The following RECQL5 variants were observed in gnomAD, a reference collection of about 807,000 sequenced individuals.
RECQL5 encodes the protein RecQ like helicase 5, also known as ATP-dependent DNA helicase Q5.
In RECQL5, 88 loss-of-function variants were observed where a neutral mutation model predicts 103.4. That is an observed-to-expected ratio of 0.85 (90% CI 0.72 to 1.02). The LOEUF is 1.02. Among genes scored for constraint, RECQL5 ranks in the 50% least tolerant of loss-of-function variants. The pLI is 0.00. For missense variants in RECQL5, 1,232 were observed against 1,284.3 expected, an observed-to-expected ratio of 0.96 and a Z score of 0.62; for synonymous variants, 552 against 507.9, an observed-to-expected ratio of 1.09 and a Z score of -1.17.
chr17:75,641,054 CTA>C, intron 8 of RECQL5: 1 of 1,343,906 alleles, frequency 7.4e-7, no homozygotes, highest in Non-Finnish European at 9.9e-7. Flanking sequence ...AACTTGAGCC[CTA>C]CCAAGGAAAC....
intron 7 of RECQL5, among the ~76,000 whole-genome samples, chr17:75,655,616 G>A (rs935004459): frequency 2.6e-4 from 40 of 152,042 alleles, no homozygotes; most frequent in African/African-American, 7.2e-4. Context: ...TGCCCACCTC[G>A]TCCTCCCAAA....
At position 75,628,523 on chromosome 17, in the gene RECQL5, G is replaced by A. The variant is rs113219298; in HGVS notation, c.2581-81C>T. ...CCCTCCTCCAGAAGACTGGGTCCCC[G>A]CACCAGCTGCCTCTCTCCAGCCCAG... On this transcript the variant is annotated intron_variant, in intron 17 of 19. Transcript: ENST00000317905. The A allele has an allele frequency of 7.1e-5, 109 of 1,534,724 alleles. No individual in the cohort carries two copies. The African/African-American group carries it at 1.1e-3, about 16-fold the overall frequency.
intron 7 of RECQL5, among the ~76,000 whole-genome samples, chr17:75,655,638 A>T (rs989505983): frequency 1.3e-5 from 2 of 152,144 alleles, no homozygotes; most frequent in African/African-American, 4.8e-5. Flanking sequence ...TGCTGGGATT[A>T]CAGGCGTGAG....
chr17:75,629,983 A>T, intron 14 of RECQL5, 141 bp from the exon 15 acceptor site: 1 of 1,209,408 alleles, frequency 8.3e-7, no homozygotes, highest in Non-Finnish European at 1.1e-6. Flanking sequence ...GGCAAGTTTT[A>T]GGCCTCCCAT....
intron 6 of RECQL5, among the ~76,000 whole-genome samples, chr17:75,658,849 T>C (rs1248173248): frequency 6.6e-6 from 1 of 152,204 alleles, no homozygotes; most frequent in African/African-American, 2.4e-5. Context: ...ACCTCCTATG[T>C]GCCAGTTTAT....
At chr17:75,630,327 T>G (rs1171302392) in intron 13 of RECQL5, 50 bp from the exon 14 acceptor site, 1 of 1,475,960 alleles carries the variant, frequency 6.8e-7, no homozygotes, top group African/African-American at 1.4e-5. Flanking sequence ...CCTGGGCTTC[T>G]CCCTGCTGAG....
At chr17:75,656,664 G>A (rs905071312) in intron 7 of RECQL5, among the ~76,000 whole-genome samples, 1 of 150,792 alleles carries the variant, frequency 6.6e-6, no homozygotes, top group African/African-American at 2.4e-5. Context: ...GGCACAATGT[G>A]TTGTCATTTC....
intron 18 of RECQL5, 99 bp downstream of exon 18, chr17:75,628,119 G>A: frequency 1.9e-6 from 2 of 1,070,052 alleles, no homozygotes; most frequent in Non-Finnish European, 2.8e-6. Context: ...CTGGCCCTAG[G>A]CCCACTGTGT....
At chr17:75,644,643 T>C (rs1407695384) in intron 8 of RECQL5, among the ~76,000 whole-genome samples, 6 of 151,726 alleles carry the variant, frequency 4.0e-5, no homozygotes, top group African/African-American at 9.7e-5. Context: ...AGAATCTCAT[T>C]AGAAAAACTT....
chr17:75,665,264 G>T, intron 2 of RECQL5, 92 bp from the exon 3 acceptor site: 1 of 1,222,328 alleles, frequency 8.2e-7, no homozygotes, highest in Non-Finnish European at 1.2e-6. Context: ...AAAGCACCTA[G>T]CAGAGTGTCT....
chr17:75,642,210 A>C (rs899121854), intron 8 of RECQL5, among the ~76,000 whole-genome samples: 2 of 152,150 alleles, frequency 1.3e-5, no homozygotes, highest in Non-Finnish European at 2.9e-5. Flanking sequence ...GGGGAGGCAC[A>C]TGGCTCCAGA....
chr17:75,648,318 G>A, intron 8 of RECQL5, among the ~76,000 whole-genome samples: 1 of 152,036 alleles, frequency 6.6e-6, no homozygotes, highest in Non-Finnish European at 1.5e-5. Flanking sequence ...TTAGGGTAAG[G>A]CCACTTGTTT....
rs777799688 is a variant in RECQL5 at position 75,647,503 on chromosome 17, A to C, written c.1229+3683T>G. 5.2e-6 allele frequency: 8 copies of C among 1,550,254 alleles called. No homozygotes were observed. In the South Asian group the frequency reaches 9.5e-5, roughly 18 times the overall value. On this transcript the variant is annotated intron_variant, in intron 8 of 19. Coordinates refer to ENST00000317905, the MANE Select transcript of RECQL5 (RefSeq NM_004259.7). ...TGTCCTGCTTCTCATCTTATTTGCC[A>C]TCGTGTTTGGTTTACTCACTTCCAC...
rs981368497 is a variant in RECQL5, at chr17:75,650,950, G to A, written c.1229+236C>T. On this transcript the variant is annotated intron_variant, in intron 8 of 19. Transcript: ENST00000317905. ...AGCCATCCCAGAAGAGGGTGGAGTG[G>A]AGGGAAGGACACCACTCAGAATACT... 4.8e-6 allele frequency: 7 copies of A among 1,455,732 alleles called. No homozygotes were observed. The African/African-American group carries it at 8.5e-5, about 18-fold the overall frequency. 90.2% of individuals were successfully genotyped at this position (1,455,732 alleles called of 1,614,324 possible). A position where few individuals can be genotyped will look rare whatever the true frequency, so the allele number is the denominator to read the frequency against.
At chr17:75,666,738 C>T (rs2059790250) in intron 1 of RECQL5, 167 bp from the exon 2 acceptor site, 2 of 642,492 alleles carry the variant, frequency 3.1e-6, no homozygotes, top group South Asian at 4.1e-5. Flanking sequence ...CAATACATTC[C>T]TCAGTAATTA....
At chr17:75,650,129 A>G (rs1194064489) in intron 8 of RECQL5, 1 of 986,242 alleles carries the variant, frequency 1.0e-6, no homozygotes, top group African/African-American at 1.7e-5. Flanking sequence ...GAAGCCTAAG[A>G]AGGCCAAATT....
At chr17:75,655,014 C>T (rs2059598547) in intron 7 of RECQL5, among the ~76,000 whole-genome samples, 1 of 152,162 alleles carries the variant, frequency 6.6e-6, no homozygotes, top group Non-Finnish European at 1.5e-5. Flanking sequence ...ACTACTCAAA[C>T]TCCTGGCCTC....
intron 13 of RECQL5, 104 bp from the exon 14 acceptor site, chr17:75,630,381 G>C (rs552139026): frequency 9.0e-7 from 1 of 1,111,422 alleles, no homozygotes; most frequent in Non-Finnish European, 1.3e-6. Flanking sequence ...CTTGGGCACA[G>C]GGATTCTGAT....
Position 75,629,147 on chromosome 17 carries a change from T to C in RECQL5, c.2276A>G (p.Lys759Arg). 2 of 1,613,840 alleles carry C rather than the reference T, an allele frequency of 1.2e-6. No homozygotes were observed. Among genetic ancestry groups the C allele is most frequent in the East Asian group, 2.2e-5 (1 of 44,884 alleles). ...KQQLLATAAH[K>R]DSQSIARFFC... is the part of the protein sequence containing the mutation. ...GAAGCGGGCGATGCTCTGAGAATCCTTGTGGGCCGCTGTGGCTAGGAGCTG... is the reference window on the plus strand; with the variant it reads ...GAAGCGGGCGATGCTCTGAGAATCCCTGTGGGCCGCTGTGGCTAGGAGCTG... Residue 759 changes from lysine to arginine, a missense_variant, in exon 16 of 20, where the codon AAG (lysine) becomes AGG (arginine). Physicochemically the swap from Lys to Arg is conservative, Grantham distance 26 (BLOSUM62 2). Transcript: ENST00000317905.
Sources: gnomAD v4.1 joint callset for allele counts (sites outside exome capture counted in the v4.1 genomes callset) on GRCh38, gnomAD v4.1.1 for gene constraint, MANE v1.5 for transcripts, NCBI Gene and HGNC (gene_info 2026-07-23, HGNC 2026-07-21) for gene names.